The following POR variants were observed in gnomAD, a reference collection of about 807,000 sequenced individuals.
POR encodes cytochrome p450 oxidoreductase.
Under a neutral mutation model 84.0 loss-of-function variants are expected in POR, and 56 were observed. The observed-to-expected ratio is 0.67, with a 90% CI of 0.54 to 0.83. The LOEUF (loss-of-function observed/expected upper bound fraction) is 0.83, where lower values mean the gene tolerates loss of function less well. Among genes scored for constraint, POR ranks in the 40% least tolerant of loss-of-function variants. POR has a pLI of 0.00. For missense variants in POR, 938 were observed against 944.3 expected (o/e 0.99, Z 0.09); for synonymous variants, 414 against 400.5 (o/e 1.03, Z -0.40).
intron 3 of POR, among the ~76,000 whole-genome samples, chr7:75,974,571 G>C (rs1400032059): frequency 2.2e-5 from 3 of 133,448 alleles, no homozygotes; most frequent in Non-Finnish European, 4.6e-5. Context: ...TTGTTGCCCA[G>C]GCTGGAGTGC....
intron 2 of POR, among the ~76,000 whole-genome samples, chr7:75,956,850 C>T (rs571781817): frequency 5.9e-5 from 9 of 152,058 alleles, no homozygotes; most frequent in Non-Finnish European, 1.3e-4. Context: ...CTCAGTCTCC[C>T]GAGTGCCTGG....
At position 75,983,590 on chromosome 7, in the gene POR, C is replaced by T. The variant is rs200097755; in HGVS notation, c.901C>T (p.Arg301Cys). The change falls in exon 9 of 16, where the codon CGC (arginine) becomes TGC (cysteine). Residue 301 changes from arginine to cysteine, a missense_variant. Physicochemically the swap from Arg to Cys is radical, Grantham distance 180. Transcript: ENST00000461988. ...CCGGAAGCTGAACCAGGGAACCGAG[C>T]GCCACCTCATGCACCTGGAATTGGA... 1.4e-5 allele frequency: 23 copies of T among 1,613,126 alleles called. No individual in the cohort carries two copies. Among genetic ancestry groups the T allele is most frequent in the South Asian group, 5.5e-5 (5 of 91,078 alleles).
intron 3 of POR, among the ~76,000 whole-genome samples, chr7:75,975,754 TCTTA>T (rs1332367384): frequency 2.0e-5 from 3 of 152,064 alleles, no homozygotes; most frequent in Admixed American, 6.6e-5. Flanking sequence ...ATATATGGAT[TCTTA>T]CTTATTTTTC....
intron 2 of POR, among the ~76,000 whole-genome samples, chr7:75,967,243 T>C (rs941131389): frequency 6.6e-6 from 1 of 152,156 alleles, no homozygotes; most frequent in African/African-American, 2.4e-5. Context: ...CCCAAAGTGC[T>C]GTACTGGTGT....
At chr7:75,975,300 G>C (rs78581653) in intron 3 of POR, among the ~76,000 whole-genome samples, 1,890 of 152,182 alleles carry the variant, frequency 0.012, 38 homozygotes, top group African/African-American at 0.043. Flanking sequence ...CCATGTATTA[G>C]AGTCCATCTT....
chr7:75,980,897 C>A, intron 5 of POR, 151 bp from the exon 6 acceptor site: 1 of 1,115,182 alleles, frequency 9.0e-7, no homozygotes, highest in Non-Finnish European at 1.2e-6. Flanking sequence ...GCCCAGTGTT[C>A]CTTGCAGTGC....
rs782403694 is a variant in POR, at chr7:75,979,438, C to T, written c.238-13C>T. On this transcript the variant is annotated splice_polypyrimidine_tract_variant and intron_variant, in intron 3 of 15. Transcript: ENST00000461988. ...TCTGTGGCCCTCACCAACCCTGTGTCTGCCTTCCTTAGGGGAGGAACATCA... is the reference window on the plus strand; with the variant it reads ...TCTGTGGCCCTCACCAACCCTGTGTTTGCCTTCCTTAGGGGAGGAACATCA... The T allele has an allele frequency of 1.9e-6, 3 of 1,611,696 alleles. No individual in the cohort carries two copies. Among genetic ancestry groups the T allele is most frequent in the East Asian group, 4.5e-5 (2 of 44,852 alleles).
chr7:75,986,607 C>T lies in POR; in HGVS notation c.*126C>T, dbSNP rs1328856341. 4.5e-5 allele frequency: 56 copies of T among 1,239,810 alleles called. No homozygotes were observed. Among genetic ancestry groups the T allele is most frequent in the South Asian group, 3.2e-4 (22 of 68,686 alleles). 76.8% of individuals were successfully genotyped at this position (1,239,810 alleles called of 1,614,324 possible). A position where few individuals can be genotyped will look rare whatever the true frequency, so the allele number is the denominator to read the frequency against. On this transcript the variant is annotated 3_prime_UTR_variant, in exon 16 of 16. Transcript: ENST00000461988. ...GGGCGCAGGCCCAGTGACAAAGACT[C>T]CTCTGGGCCTGGGGTGCATCCTCCT...
At chr7:75,983,711 C>T (rs782236213) in intron 9 of POR, 27 bp from the exon 10 acceptor site, 15 of 1,609,752 alleles carry the variant, frequency 9.3e-6, no homozygotes, top group Non-Finnish European at 1.3e-5. Flanking sequence ...GCCTTCCGCC[C>T]CTCCCGAGCC....
chr7:75,979,861 C>G (rs890428493), intron 4 of POR: 20 of 435,410 alleles, frequency 4.6e-5, no homozygotes, highest in Admixed American at 7.3e-5. Context: ...TCTCCCAAAC[C>G]AAACCCACCC....
intron 6 of POR, 122 bp downstream of exon 6, chr7:75,981,294 G>T: frequency 7.1e-7 from 1 of 1,400,314 alleles, no homozygotes; most frequent in Non-Finnish European, 9.4e-7. Context: ...CAACACAGAG[G>T]GAAGGGGCTC....
At position 75,963,286 on chromosome 7, in the gene POR, G is replaced by A. The variant is rs375553885; in HGVS notation, c.188+9106G>A. ...GAAGCCTGTGGCCACGAGAGTAGAC[G>A]GTGCAGGGGGCCCACTGCCTCCCGC... On this transcript the variant is annotated intron_variant, in intron 2 of 15. Coordinates refer to ENST00000461988, the MANE Select transcript of POR (RefSeq NM_000941.3). 5.3e-5 allele frequency among the ~76,000 whole-genome samples: 8 copies of A among 152,180 alleles called. No homozygotes were observed. In the East Asian group the frequency reaches 5.8e-4, roughly 11 times the overall value.
chr7:75,939,220 C>T (rs1347185063), intron 1 of POR, among the ~76,000 whole-genome samples: 1 of 152,210 alleles, frequency 6.6e-6, no homozygotes, highest in African/African-American at 2.4e-5. Flanking sequence ...GCATGTCCTT[C>T]GACATGACGT....
intron 1 of POR, among the ~76,000 whole-genome samples, chr7:75,933,219 T>G (rs1807501642): frequency 6.6e-6 from 1 of 152,080 alleles, no homozygotes; most frequent in Non-Finnish European, 1.5e-5. Context: ...GCATATTGTT[T>G]TGAAGTCTGG....
At chr7:75,932,634 T>C (rs1807475640) in intron 1 of POR, among the ~76,000 whole-genome samples, 1 of 152,086 alleles carries the variant, frequency 6.6e-6, no homozygotes, top group African/African-American at 2.4e-5. Flanking sequence ...ATAGTGAAAA[T>C]ATAATGACAT....
intron 8 of POR, 85 bp from the exon 9 acceptor site, chr7:75,983,435 C>A: frequency 1.1e-6 from 1 of 941,740 alleles, no homozygotes; most frequent in Non-Finnish European, 1.7e-6. Context: ...ATTCCCTGTG[C>A]TTTGTGCAAC....
At chr7:75,960,483 A>AT (rs1189433261) in intron 2 of POR, among the ~76,000 whole-genome samples, 7 of 150,648 alleles carry the variant, frequency 4.6e-5, no homozygotes, top group South Asian at 2.1e-4. Flanking sequence ...TGGCTTATTT[A>AT]TTTTTTTTTA....
At chr7:75,978,008 A>G (rs1788776747) in intron 3 of POR, among the ~76,000 whole-genome samples, 1 of 152,176 alleles carries the variant, frequency 6.6e-6, no homozygotes, top group African/African-American at 2.4e-5. Flanking sequence ...CTGCTGGAGG[A>G]GGAGGGTGGA....
At chr7:75,985,281 G>A (rs1190056220) in intron 12 of POR, 74 bp downstream of exon 12, 9 of 1,458,210 alleles carry the variant, frequency 6.2e-6, no homozygotes, top group African/African-American at 2.8e-5. Flanking sequence ...AGTGCAAGGC[G>A]GCACAGGAGC....
Sources: allele counts gnomAD v4.1 joint callset (sites outside exome capture counted in the v4.1 genomes callset), GRCh38; gene constraint gnomAD v4.1.1; transcripts MANE v1.5; gene names NCBI Gene and HGNC (gene_info 2026-07-23, HGNC 2026-07-21).